Variants in ADGRL4 observed in about 807,000 individuals in gnomAD.
ADGRL4 encodes the protein EGF, latrophilin and seven transmembrane domain containing 1.
A neutral mutation model predicts 74.8 loss-of-function variants in ADGRL4; 90 were observed. That is an observed-to-expected ratio of 1.20 (90% CI 1.02 to 1.43). ADGRL4 has a LOEUF of 1.43. Ranked by LOEUF, ADGRL4 falls within the 40% of genes most tolerant of loss-of-function variation. The pLI is 0.00. For synonymous variants in ADGRL4, 311 were observed against 279.2 expected, an observed-to-expected ratio of 1.11 and a Z score of -1.14; for missense variants, 881 against 814.3, an observed-to-expected ratio of 1.08 and a Z score of -1.00.
At chr1:79,003,856 C>T (rs1166134078) in intron 2 of ADGRL4, among the ~76,000 whole-genome samples, 2 of 151,946 alleles carry the variant, frequency 1.3e-5, no homozygotes, top group Non-Finnish European at 2.9e-5. Flanking sequence ...CAATTAAATA[C>T]ACAATACATT....
At chr1:78,912,379 T>C (rs768541300) in intron 12 of ADGRL4, among the ~76,000 whole-genome samples, 1 of 151,882 alleles carries the variant, frequency 6.6e-6, no homozygotes, top group Non-Finnish European at 1.5e-5. Context: ...CTCTCTTTTA[T>C]GGTTTAGACA....
At chr1:78,952,715 C>A (rs374305962) in intron 2 of ADGRL4, among the ~76,000 whole-genome samples, 1 of 151,912 alleles carries the variant, frequency 6.6e-6, no homozygotes, top group Non-Finnish European at 1.5e-5. Context: ...GAAAGTGTTA[C>A]AATTATAAAG....
chr1:78,941,561 CCT>C (rs1491122035), intron 3 of ADGRL4, among the ~76,000 whole-genome samples: 13,523 of 151,512 alleles, frequency 0.089, 788 homozygotes, highest in East Asian at 0.33. Context: ...TTCAATCCCC[CCT>C]TTTTTTTTTA....
chr1:78,928,856 T>C (rs1301786392), intron 7 of ADGRL4, among the ~76,000 whole-genome samples: 3 of 151,530 alleles, frequency 2.0e-5, no homozygotes, highest in Non-Finnish European at 4.4e-5. Flanking sequence ...CCTTCCAAAC[T>C]ATTAGAAAAC....
chr1:78,989,854 C>A (rs1340846265), intron 2 of ADGRL4, among the ~76,000 whole-genome samples: 1 of 151,882 alleles, frequency 6.6e-6, no homozygotes, highest in Non-Finnish European at 1.5e-5. Flanking sequence ...CTTTAGTCTT[C>A]AAAAATGATT....
chr1:79,004,767 C>T (rs1239167400), intron 2 of ADGRL4, among the ~76,000 whole-genome samples: 1 of 152,124 alleles, frequency 6.6e-6, no homozygotes, highest in Non-Finnish European at 1.5e-5. Flanking sequence ...ATTTCGTGAA[C>T]TCTTTTGTTC....
intron 2 of ADGRL4, among the ~76,000 whole-genome samples, chr1:78,991,826 A>G (rs1359457305): frequency 3.9e-5 from 6 of 151,972 alleles, no homozygotes; most frequent in African/African-American, 7.2e-5. Flanking sequence ...TAATGGCAAA[A>G]AGGGATTAAC....
chr1:78,934,011 T>C (rs1210515269), intron 7 of ADGRL4, among the ~76,000 whole-genome samples: 1 of 152,138 alleles, frequency 6.6e-6, no homozygotes, highest in Non-Finnish European at 1.5e-5. Context: ...CTGCCCAAAG[T>C]AATCTATAGA....
chr1:78,923,303 T>G (rs1302522960), intron 8 of ADGRL4, among the ~76,000 whole-genome samples: 1 of 151,862 alleles, frequency 6.6e-6, no homozygotes, highest in Non-Finnish European at 1.5e-5. Flanking sequence ...TTAATTTTCC[T>G]AATCCTTTCA....
At chr1:78,953,347 A>T (rs1317078381) in intron 2 of ADGRL4, among the ~76,000 whole-genome samples, 1 of 152,180 alleles carries the variant, frequency 6.6e-6, no homozygotes, top group Admixed American at 6.5e-5. Flanking sequence ...GTTTCTAATC[A>T]TTGATGTAAT....
At chr1:78,944,590 AC>A (rs1439041083) in intron 3 of ADGRL4, among the ~76,000 whole-genome samples, 1 of 152,162 alleles carries the variant, frequency 6.6e-6, no homozygotes, top group Non-Finnish European at 1.5e-5. Context: ...AATATTTTAT[AC>A]CCTTGCAAAG....
rs535018997 is a variant in ADGRL4, at chr1:78,990,821, A to G, written c.172+14249T>C. On this transcript the variant is annotated intron_variant, in intron 2 of 14. Transcript: ENST00000370742. ...GTTGTACTTTTAAAAAATATTCTCA[A>G]TAGGTTTCTGTGTTTATAAAGGTCC... Among the ~76,000 whole-genome samples, 4 of 152,074 alleles carry G rather than the reference A, an allele frequency of 2.6e-5. No individual in the cohort carries two copies. The East Asian group carries it at 5.8e-4, about 22-fold the overall frequency.
rs1178379943 is a variant in ADGRL4 at position 78,890,829 on chromosome 1, A to G, written c.*325T>C. The G allele has an allele frequency of 4.0e-6, 1 of 250,190 alleles. No homozygotes were observed. The highest frequency in any genetic ancestry group is 2.3e-5 in the African/African-American group (1 of 44,220). The allele number at this position is 250,190 out of a possible 1,614,324, so 15.5% of individuals were successfully genotyped here. On this transcript the variant is annotated 3_prime_UTR_variant, in exon 15 of 15. Transcript: ENST00000370742. ...TATCAAGCCAGTGGTTTCCTTCAGG[A>G]CATTCATATACTTCTCGTGTTAGAA...
intron 2 of ADGRL4, among the ~76,000 whole-genome samples, chr1:78,970,404 G>A (rs1279957205): frequency 6.6e-6 from 1 of 152,182 alleles, no homozygotes; most frequent in Non-Finnish European, 1.5e-5. Flanking sequence ...GAGGTCTAGG[G>A]AACTCCAAAG....
At chr1:78,977,766 G>A (rs17102547) in intron 2 of ADGRL4, among the ~76,000 whole-genome samples, 13,587 of 151,642 alleles carry the variant, frequency 0.09, 819 homozygotes, top group East Asian at 0.34. Context: ...CCAGAACCTG[G>A]CTATAAACTA....
intron 10 of ADGRL4, among the ~76,000 whole-genome samples, chr1:78,918,347 T>G (rs1357828182): frequency 6.6e-6 from 1 of 151,936 alleles, no homozygotes; most frequent in African/African-American, 2.4e-5. Context: ...ATTATTCTCA[T>G]GTAAACCATG....
At chr1:78,961,594 A>G (rs570402939) in intron 2 of ADGRL4, among the ~76,000 whole-genome samples, 1 of 152,288 alleles carries the variant, frequency 6.6e-6, no homozygotes, top group South Asian at 2.1e-4. Flanking sequence ...TCACTTTCTA[A>G]GATGCCATTT....
At chr1:78,943,517 C>T (rs1430787132) in intron 3 of ADGRL4, among the ~76,000 whole-genome samples, 1 of 152,156 alleles carries the variant, frequency 6.6e-6, no homozygotes, top group Admixed American at 6.5e-5. Context: ...AAGAATTTTG[C>T]TTGGATTATT....
chr1:78,895,607 G>T (rs1281170266), intron 12 of ADGRL4, among the ~76,000 whole-genome samples: 1 of 151,852 alleles, frequency 6.6e-6, no homozygotes, highest in Non-Finnish European at 1.5e-5. Flanking sequence ...AATAATGAAG[G>T]GAAAAAAAGT....
Sources: gnomAD v4.1 joint callset for allele counts (sites outside exome capture counted in the v4.1 genomes callset) on GRCh38, gnomAD v4.1.1 for gene constraint, MANE v1.5 for transcripts, NCBI Gene and HGNC (gene_info 2026-07-23, HGNC 2026-07-21) for gene names.